FSHR: variants seen among roughly 807,000 people sequenced by gnomAD.
FSHR encodes follicle stimulating hormone receptor.
Under a neutral mutation model 52.1 loss-of-function variants are expected in FSHR, and 46 were observed. The observed-to-expected ratio is 0.88, with a 90% CI of 0.70 to 1.13. FSHR has a LOEUF of 1.13. Ranked by LOEUF, FSHR falls within the 50% of genes most tolerant of loss-of-function variation. FSHR has a pLI of 0.00. For missense variants in FSHR, 964 were observed against 834.6 expected, an observed-to-expected ratio of 1.16 and a Z score of -1.91; for synonymous variants, 399 against 309.6, an observed-to-expected ratio of 1.29 and a Z score of -3.03.
At chr2:49,015,713 A>T (rs111287869) in intron 4 of FSHR, among the ~76,000 whole-genome samples, 13 of 152,310 alleles carry the variant, frequency 8.5e-5, no homozygotes, top group African/African-American at 2.9e-4. Flanking sequence ...GAACTTAGAG[A>T]TCAAGACTCC....
chr2:48,981,222 G>C (rs1675232598), intron 8 of FSHR, among the ~76,000 whole-genome samples: 1 of 152,126 alleles, frequency 6.6e-6, no homozygotes, highest in Non-Finnish European at 1.5e-5. Context: ...TTCATAGATA[G>C]ATCATGACTT....
chr2:49,123,877 G>C (rs1197590184), intron 1 of FSHR, among the ~76,000 whole-genome samples: 3 of 152,150 alleles, frequency 2.0e-5, no homozygotes, highest in African/African-American at 7.2e-5. Flanking sequence ...AGACATACTA[G>C]GGTATGTGGC....
At chr2:49,031,838 T>C (rs772983423) in intron 2 of FSHR, among the ~76,000 whole-genome samples, 4 of 152,226 alleles carry the variant, frequency 2.6e-5, no homozygotes, top group South Asian at 2.1e-4. Context: ...GAGAATTCTT[T>C]ATGAAATAGT....
intron 1 of FSHR, among the ~76,000 whole-genome samples, chr2:49,102,632 C>G (rs373351668): frequency 6.6e-6 from 1 of 151,938 alleles, no homozygotes; most frequent in Non-Finnish European, 1.5e-5. Flanking sequence ...AAGTGATAGT[C>G]TTTAATAGAG....
intron 4 of FSHR, among the ~76,000 whole-genome samples, chr2:49,016,630 A>G (rs1667499894): frequency 6.6e-6 from 1 of 152,194 alleles, no homozygotes. Flanking sequence ...GGTCAGGCAG[A>G]CCTAGTCCAG....
chr2:49,015,824 T>G (rs548986849), intron 4 of FSHR, among the ~76,000 whole-genome samples: 2 of 152,262 alleles, frequency 1.3e-5, no homozygotes, highest in South Asian at 4.1e-4. Flanking sequence ...GCCTCTTGTT[T>G]AAGCATTTCA....
chr2:49,086,826 G>A (rs909164883), intron 1 of FSHR, among the ~76,000 whole-genome samples: 2 of 152,092 alleles, frequency 1.3e-5, no homozygotes, highest in Admixed American at 1.3e-4. Context: ...GTTTCACCGT[G>A]TTGGCCATGG....
In FSHR at chr2:49,042,079, G is replaced by T. The variant is rs754854577; in HGVS notation, c.225-21919C>A. On this transcript the variant is annotated intron_variant, in intron 2 of 9. Coordinates refer to ENST00000406846, the MANE Select transcript of FSHR (RefSeq NM_000145.4). ...TGATCACCTAAGCCCAGGGATGTTGGGGCTACAGTGAGCTGTGATTACATC... is the reference window on the plus strand; with the variant it reads ...TGATCACCTAAGCCCAGGGATGTTGTGGCTACAGTGAGCTGTGATTACATC... Among the ~76,000 whole-genome samples, 23 of 152,090 alleles carry T rather than the reference G, an allele frequency of 1.5e-4. 1 individual carries two copies. Among genetic ancestry groups the T allele is most frequent in the Non-Finnish European group, 3.2e-4 (22 of 68,016 alleles).
rs964056014 is a variant in FSHR at position 49,051,868 on chromosome 2, T to G, written c.224+16351A>C. 7.2e-5 allele frequency among the ~76,000 whole-genome samples: 11 copies of G among 152,158 alleles called. 1 individual carries two copies. The highest frequency in any genetic ancestry group is 1.2e-4 in the Non-Finnish European group (8 of 68,004). ...TCCACTTAAAGTTAAATTTTGTGTA[T>G]AACATGAGGTAAGGGTTGGGATTTA... On this transcript the variant is annotated intron_variant, in intron 2 of 9. Coordinates refer to ENST00000406846, the MANE Select transcript of FSHR (RefSeq NM_000145.4).
intron 4 of FSHR, chr2:49,015,045 T>G: frequency 3.1e-6 from 1 of 321,134 alleles, no homozygotes; most frequent in Non-Finnish European, 6.1e-6. Context: ...TAGTTCTTTA[T>G]AGTTTTTATA....
intron 1 of FSHR, among the ~76,000 whole-genome samples, chr2:49,072,420 A>G (rs1669771191): frequency 6.6e-6 from 1 of 152,190 alleles, no homozygotes; most frequent in Admixed American, 6.6e-5. Context: ...TGTACCAGAA[A>G]AGGAAACAAA....
chr2:49,063,741 G>A (rs1382177376), intron 2 of FSHR, among the ~76,000 whole-genome samples: 1 of 152,036 alleles, frequency 6.6e-6, no homozygotes, highest in East Asian at 1.9e-4. Context: ...GGAGGAATAA[G>A]TTCTACTGTT....
intron 1 of FSHR, among the ~76,000 whole-genome samples, chr2:49,097,242 T>C (rs1015667216): frequency 6.6e-6 from 1 of 152,228 alleles, no homozygotes; most frequent in African/African-American, 2.4e-5. Context: ...CATAGATTTC[T>C]TTGAATTTTT....
At chr2:49,090,138 T>C (rs1417743321) in intron 1 of FSHR, among the ~76,000 whole-genome samples, 1 of 151,892 alleles carries the variant, frequency 6.6e-6, no homozygotes, top group Non-Finnish European at 1.5e-5. Flanking sequence ...TGTGTGTGTG[T>C]GTGTGTGTGT....
intron 4 of FSHR, chr2:49,014,872 A>G: frequency 2.1e-6 from 1 of 468,638 alleles, no homozygotes; most frequent in Non-Finnish European, 4.4e-6. Flanking sequence ...CCTAGAGAGC[A>G]TTTGTTCTGT....
chr2:49,040,182 C>G (rs1668430193), intron 2 of FSHR, among the ~76,000 whole-genome samples: 1 of 152,080 alleles, frequency 6.6e-6, no homozygotes, highest in East Asian at 1.9e-4. Context: ...CTTTGTTTTT[C>G]CTATTCAATT....
intron 4 of FSHR, among the ~76,000 whole-genome samples, chr2:48,995,528 C>A (rs1359656274): frequency 6.6e-6 from 1 of 151,978 alleles, no homozygotes; most frequent in Non-Finnish European, 1.5e-5. Context: ...AGGGAGGAGG[C>A]AGGATTCCAG....
intron 2 of FSHR, among the ~76,000 whole-genome samples, chr2:49,044,339 C>T (rs965297697): frequency 1.3e-5 from 2 of 152,186 alleles, no homozygotes; most frequent in Non-Finnish European, 2.9e-5. Context: ...CTCGCCTTCC[C>T]ACCTTCCCTG....
chr2:49,029,158 T>C (rs1041460487), intron 2 of FSHR, among the ~76,000 whole-genome samples: 1 of 152,202 alleles, frequency 6.6e-6, no homozygotes, highest in African/African-American at 2.4e-5. Flanking sequence ...CAAAACGAAA[T>C]CTATATTTGA....
Sources: allele counts gnomAD v4.1 joint callset (sites outside exome capture counted in the v4.1 genomes callset), GRCh38; gene constraint gnomAD v4.1.1; transcripts MANE v1.5; gene names NCBI Gene and HGNC (gene_info 2026-07-23, HGNC 2026-07-21).